The following ANKRD13C variants were observed in gnomAD, a reference collection of about 807,000 sequenced individuals.
ANKRD13C encodes ankyrin repeat domain 13C, also known as ankyrin repeat domain-containing protein 13C.
ANKRD13C carries 16 observed loss-of-function variants against 65.5 expected under a neutral mutation model. The observed-to-expected ratio is 0.24, with a 90% confidence interval of 0.17 to 0.37. The LOEUF (loss-of-function observed/expected upper bound fraction) is 0.37. Ranked by LOEUF, ANKRD13C falls within the 10% of genes least tolerant of loss-of-function variation. The pLI is 1.00. For synonymous variants in ANKRD13C, 235 were observed against 238.7 expected, an observed-to-expected ratio of 0.98 and a Z score of 0.14; for missense variants, 503 against 655.9, an observed-to-expected ratio of 0.77 and a Z score of 2.55.
At chr1:70,297,465 TTTA>T (rs1680140151) in intron 7 of ANKRD13C, among the ~76,000 whole-genome samples, 1 of 150,154 alleles carries the variant, frequency 6.7e-6, no homozygotes, top group Admixed American at 6.6e-5. Flanking sequence ...GGCTAATTTT[TTTA>T]TTTTTAGTAG....
chr1:70,332,743 G>A (rs1681867315), intron 2 of ANKRD13C, among the ~76,000 whole-genome samples: 1 of 152,162 alleles, frequency 6.6e-6, no homozygotes, highest in Admixed American at 6.6e-5. Flanking sequence ...TAGGATTACA[G>A]ACGTGAGCCA....
intron 9 of ANKRD13C, among the ~76,000 whole-genome samples, chr1:70,283,439 A>G (rs1679483330): frequency 6.6e-6 from 1 of 152,090 alleles, no homozygotes; most frequent in Admixed American, 6.6e-5. Context: ...TATTATTCTA[A>G]TATTTTATAT....
At chr1:70,323,945 T>C (rs1681426033) in intron 3 of ANKRD13C, among the ~76,000 whole-genome samples, 1 of 151,826 alleles carries the variant, frequency 6.6e-6, no homozygotes, top group Admixed American at 6.6e-5. Context: ...AGGCTGGTGG[T>C]GAACTCCTGA....
chr1:70,295,844 T>C (rs1431278671), intron 8 of ANKRD13C, among the ~76,000 whole-genome samples: 2 of 152,178 alleles, frequency 1.3e-5, no homozygotes, highest in Non-Finnish European at 2.9e-5. Context: ...AGAAATATAA[T>C]GGAATCATGT....
chr1:70,347,151 G>C (rs530784913), intron 1 of ANKRD13C, among the ~76,000 whole-genome samples: 2 of 141,138 alleles, frequency 1.4e-5, no homozygotes, highest in South Asian at 4.7e-4. Flanking sequence ...CTCAAACTCA[G>C]ATCTGATCAA....
intron 1 of ANKRD13C, among the ~76,000 whole-genome samples, chr1:70,350,313 TA>T (rs1241530613): frequency 6.6e-6 from 1 of 152,242 alleles, no homozygotes; most frequent in Non-Finnish European, 1.5e-5. Context: ...CAAGTTCTAC[TA>T]AACGATGATG....
chr1:70,276,176 CCTTT>C (rs1679127637), intron 10 of ANKRD13C, among the ~76,000 whole-genome samples: 1 of 151,714 alleles, frequency 6.6e-6, no homozygotes, highest in Non-Finnish European at 1.5e-5. Context: ...AAAAATAAAC[CCTTT>C]CTTTATTCAT....
intron 4 of ANKRD13C, among the ~76,000 whole-genome samples, chr1:70,314,936 T>C (rs1479141831): frequency 6.6e-6 from 1 of 152,144 alleles, no homozygotes; most frequent in Non-Finnish European, 1.5e-5. Context: ...AAAAGAGTTT[T>C]TGTTACATAA....
chr1:70,290,834 A>G (rs1189173383), intron 9 of ANKRD13C, among the ~76,000 whole-genome samples: 3 of 151,984 alleles, frequency 2.0e-5, no homozygotes, highest in Non-Finnish European at 4.4e-5. Flanking sequence ...CTGGGATTCC[A>G]GGTGCGAGCC....
intron 2 of ANKRD13C, among the ~76,000 whole-genome samples, chr1:70,330,574 C>CAAAAAAAAAAAAAAA (rs71071394): frequency 5.8e-5 from 4 of 68,388 alleles, no homozygotes; most frequent in Non-Finnish European, 8.4e-5. Context: ...ACAAACAAAC[C>CAAAAAAAAAAAAAAA]AAAAAAAAAA....
chr1:70,317,525 T>C (rs1681122729), intron 3 of ANKRD13C, among the ~76,000 whole-genome samples: 1 of 152,138 alleles, frequency 6.6e-6, no homozygotes, highest in Non-Finnish European at 1.5e-5. Flanking sequence ...GTTCTGATAG[T>C]CTAAGATGAA....
At chr1:70,351,726 A>G (rs887889605) in intron 1 of ANKRD13C, among the ~76,000 whole-genome samples, 12 of 152,148 alleles carry the variant, frequency 7.9e-5, no homozygotes, top group African/African-American at 2.7e-4. Context: ...AAGTGATTTT[A>G]TAAGTATTTA....
chr1:70,265,167 G>A (rs901192706), intron 12 of ANKRD13C, among the ~76,000 whole-genome samples: 3 of 152,094 alleles, frequency 2.0e-5, no homozygotes, highest in Non-Finnish European at 4.4e-5. Context: ...GGGTGTGACC[G>A]GGGTAGTACT....
chr1:70,308,039 G>C (rs1310517992), intron 5 of ANKRD13C, among the ~76,000 whole-genome samples: 1 of 152,144 alleles, frequency 6.6e-6, no homozygotes, highest in African/African-American at 2.4e-5. Context: ...AATGATCAAA[G>C]TTCTTTCATG....
At chr1:70,328,864 T>TA (rs1681662289) in intron 2 of ANKRD13C, among the ~76,000 whole-genome samples, 1 of 152,024 alleles carries the variant, frequency 6.6e-6, no homozygotes, top group East Asian at 1.9e-4. Flanking sequence ...AAATTTTTTT[T>TA]AAAAAGAATA....
chr1:70,321,743 T>C (rs1681318189), intron 3 of ANKRD13C, among the ~76,000 whole-genome samples: 1 of 152,238 alleles, frequency 6.6e-6, no homozygotes, highest in South Asian at 2.1e-4. Context: ...GTAACCACTG[T>C]AAGGCAGAAA....
At chr1:70,308,821 G>T (rs748617710) in intron 5 of ANKRD13C, among the ~76,000 whole-genome samples, 23 of 150,900 alleles carry the variant, frequency 1.5e-4, no homozygotes, top group Non-Finnish European at 2.7e-4. Flanking sequence ...ATTTCTGATA[G>T]ATTTTAATGC....
At chr1:70,275,854 G>A (rs1046872456) in intron 10 of ANKRD13C, among the ~76,000 whole-genome samples, 3 of 150,842 alleles carry the variant, frequency 2.0e-5, no homozygotes, top group Non-Finnish European at 2.9e-5. Context: ...CCAGCCACTC[G>A]AGAGGCTGAG....
chr1:70,337,342 G>C (rs984994127), intron 1 of ANKRD13C, among the ~76,000 whole-genome samples: 3 of 152,162 alleles, frequency 2.0e-5, no homozygotes, highest in African/African-American at 7.2e-5. Flanking sequence ...AGCACTTTGG[G>C]AAAGTGGCAG....
Sources: gnomAD v4.1 joint callset for allele counts (sites outside exome capture counted in the v4.1 genomes callset) on GRCh38, gnomAD v4.1.1 for gene constraint, MANE v1.5 for transcripts, NCBI Gene and HGNC (gene_info 2026-07-23, HGNC 2026-07-21) for gene names.